The following CDK15 variants were observed in gnomAD, a reference collection of about 807,000 sequenced individuals.
The protein encoded by CDK15 is cyclin dependent kinase 15, also known as cyclin-dependent kinase 15.
A neutral mutation model predicts 60.3 loss-of-function variants in CDK15; 62 were observed. That is an observed-to-expected ratio of 1.03 (90% CI 0.84 to 1.27). CDK15 has a LOEUF of 1.27. Ranked by LOEUF, CDK15 falls within the 50% of genes most tolerant of loss-of-function variation. CDK15 has a pLI of 0.00. For synonymous variants in CDK15, 194 were observed against 195.7 expected (o/e 0.99, Z 0.07); for missense variants, 541 against 527.8 (o/e 1.03, Z -0.25).
intron 12 of CDK15, among the ~76,000 whole-genome samples, chr2:201,885,855 A>G (rs1699433512): frequency 6.6e-6 from 1 of 152,152 alleles, no homozygotes; most frequent in African/African-American, 2.4e-5. Flanking sequence ...TAAATTATCA[A>G]TCTATGTACT....
At chr2:201,860,777 T>G (rs1357247493) in intron 10 of CDK15, 2 of 1,352,066 alleles carry the variant, frequency 1.5e-6, no homozygotes, top group Non-Finnish European at 2.0e-6. Context: ...CATACTGACA[T>G]CGGACAGCAT....
intron 4 of CDK15, among the ~76,000 whole-genome samples, chr2:201,813,424 C>A (rs1254447634): frequency 6.6e-6 from 1 of 152,180 alleles, no homozygotes; most frequent in Non-Finnish European, 1.5e-5. Flanking sequence ...GATAGGATTG[C>A]TATGCATTTC....
Position 201,807,615 on chromosome 2 carries a change from A to G in CDK15, c.245A>G (p.Glu82Gly), listed in dbSNP as rs1459313210. 2.5e-6 allele frequency: 4 copies of G among 1,614,016 alleles called. No individual in the cohort carries two copies. ...CGGAGTAACAGTGATTGTTTTCAGG[A>G]AGAGGATCTGAGGCAGGGTTTTCAG... ...RPRSNSDCFQ[E>G]EDLRQGFQWR... Residue 82 changes from glutamate to glycine, a missense_variant, in exon 2 of 14, where the codon GAA (glutamate) becomes GGA (glycine). Physicochemically the swap from Glu to Gly is moderately conservative, Grantham distance 98. Transcript: ENST00000652192.
chr2:201,852,785 A>G (rs1362113569), intron 9 of CDK15, among the ~76,000 whole-genome samples: 1 of 152,256 alleles, frequency 6.6e-6, no homozygotes, highest in African/African-American at 2.4e-5. Context: ...ACTTGCAAAT[A>G]GAAACTGAGA....
intron 10 of CDK15, among the ~76,000 whole-genome samples, chr2:201,859,783 G>A (rs1457539926): frequency 1.3e-5 from 2 of 152,146 alleles, no homozygotes; most frequent in Non-Finnish European, 2.9e-5. Context: ...AATATTTTCT[G>A]ATTTTTCTTT....
rs1696335323 is a variant in CDK15 at position 201,823,722 on chromosome 2, G to A, written c.601G>A (p.Val201Ile). 1.2e-6 allele frequency: 2 copies of A among 1,613,532 alleles called. No homozygotes were observed. ...TCCAGGAGGGCTTCATCCTCATAATGTCAGAGTGAGTACGTTAAGGGTCAG... is the reference window on the plus strand; with the variant it reads ...TCCAGGAGGGCTTCATCCTCATAATATCAGAGTGAGTACGTTAAGGGTCAG... ...QHPGGLHPHN[V>I]RLFMFQLLRG... The change falls in exon 6 of 14, where the codon GTC (valine) becomes ATC (isoleucine). Residue 201 changes from valine (V) to isoleucine (I), a missense_variant. Val to Ile is a conservative substitution (Grantham distance 29, BLOSUM62 3). Coordinates refer to ENST00000652192, the MANE Select transcript of CDK15 (RefSeq NM_001366386.2).
Position 201,882,428 on chromosome 2 carries a change from G to A in CDK15, c.1198+2261G>A, listed in dbSNP as rs778151742. ...TTTTTCCATGCAGAGTTTAAATTATGCCTGATAAAAGGAGTTTCGTGGATG... is the reference window on the plus strand; with the variant it reads ...TTTTTCCATGCAGAGTTTAAATTATACCTGATAAAAGGAGTTTCGTGGATG... On this transcript the variant is annotated intron_variant, in intron 12 of 13. Transcript: ENST00000652192. The surrounding 1 kb of genome is among the most constrained non-coding windows in gnomAD (Gnocchi z 4.0). Among the ~76,000 whole-genome samples, 1 of 152,260 alleles carries A rather than the reference G, an allele frequency of 6.6e-6. No homozygotes were observed. The highest frequency in any genetic ancestry group is 2.1e-4 in the South Asian group (1 of 4,820).
At chr2:201,832,244 C>T (rs1006003149) in intron 6 of CDK15, among the ~76,000 whole-genome samples, 2 of 152,162 alleles carry the variant, frequency 1.3e-5, no homozygotes, top group African/African-American at 2.4e-5. Flanking sequence ...TGGAGTTTCA[C>T]CACATTGGCC....
chr2:201,871,331 G>T (rs566687738), intron 10 of CDK15, among the ~76,000 whole-genome samples: 1 of 151,910 alleles, frequency 6.6e-6, no homozygotes, highest in East Asian at 1.9e-4. Context: ...AGTTGTTGTT[G>T]TAGGGACAGG....
intron 13 of CDK15, among the ~76,000 whole-genome samples, chr2:201,891,888 C>T (rs1574949390): frequency 1.3e-5 from 2 of 152,178 alleles, no homozygotes; most frequent in African/African-American, 4.8e-5. Flanking sequence ...CATTTGACAA[C>T]CACAGCTTGG....
intron 4 of CDK15, among the ~76,000 whole-genome samples, chr2:201,817,400 A>G (rs986697888): frequency 2.6e-5 from 4 of 152,096 alleles, no homozygotes; most frequent in Non-Finnish European, 5.9e-5. Context: ...CAATTTTTTC[A>G]TATGTTTGTT....
intron 8 of CDK15, among the ~76,000 whole-genome samples, chr2:201,839,695 T>C (rs1412660838): frequency 4.6e-5 from 7 of 151,734 alleles, no homozygotes; most frequent in East Asian, 3.9e-4. Context: ...GACAGATAGA[T>C]AGATAAAATA....
At chr2:201,873,316 C>G (rs1698931349) in intron 11 of CDK15, among the ~76,000 whole-genome samples, 2 of 152,238 alleles carry the variant, frequency 1.3e-5, no homozygotes, top group African/African-American at 4.8e-5. Flanking sequence ...TTATTTTCAA[C>G]AGCACTGTAT....
intron 6 of CDK15, among the ~76,000 whole-genome samples, chr2:201,826,400 C>T (rs1315919541): frequency 1.6e-5 from 2 of 126,820 alleles, no homozygotes; most frequent in African/African-American, 2.9e-5. Context: ...GTAGAGTTTG[C>T]GTGAGCCGAG....
At chr2:201,840,460 G>C (rs1329626889) in intron 8 of CDK15, among the ~76,000 whole-genome samples, 1 of 152,024 alleles carries the variant, frequency 6.6e-6, no homozygotes, top group Non-Finnish European at 1.5e-5. Flanking sequence ...TTTTCACTAA[G>C]GGCAAATAAA....
chr2:201,830,968 C>T (rs757284521), intron 6 of CDK15, among the ~76,000 whole-genome samples: 1 of 152,106 alleles, frequency 6.6e-6, no homozygotes, highest in African/African-American at 2.4e-5. Flanking sequence ...GGAAATTCAC[C>T]AGAGGTTAGC....
chr2:201,837,445 GGAAAGGAAGGAAGGAAGGAAGGAAGGAA>G (rs1697167178), intron 8 of CDK15, among the ~76,000 whole-genome samples: 1 of 90,422 alleles, frequency 1.1e-5, no homozygotes, highest in African/African-American at 4.4e-5. Flanking sequence ...AAGGAAGGAA[GGAAAGGAAGGAAGGAAGGAAGGAAGGAA>G]GGAAGGAAGG....
intron 4 of CDK15, among the ~76,000 whole-genome samples, chr2:201,819,304 T>C (rs1047760063): frequency 5.3e-5 from 8 of 152,104 alleles, no homozygotes; most frequent in Admixed American, 3.9e-4. Flanking sequence ...GGAAAAGACA[T>C]TGGCAAGTGT....
intron 6 of CDK15, among the ~76,000 whole-genome samples, chr2:201,832,953 T>C (rs143595127): frequency 6.6e-6 from 1 of 152,360 alleles, no homozygotes; most frequent in Non-Finnish European, 1.5e-5. Context: ...ATGTTGGTGT[T>C]TGAATTCTCA....
Sources: allele counts gnomAD v4.1 joint callset (sites outside exome capture counted in the v4.1 genomes callset), GRCh38; gene constraint gnomAD v4.1.1; non-coding constraint Gnocchi (gnomAD v3.1); transcripts MANE v1.5; gene names NCBI Gene and HGNC (gene_info 2026-07-23, HGNC 2026-07-21).